The following AKAP6 variants were observed in gnomAD, a reference collection of about 807,000 sequenced individuals.
The protein encoded by AKAP6 is A-kinase anchor protein 6.
Under a neutral mutation model 188.5 loss-of-function variants are expected in AKAP6, and 58 were observed. The observed-to-expected ratio is 0.31, with a 90% CI of 0.25 to 0.38. AKAP6 has a LOEUF of 0.38. AKAP6 is among the 10% of genes least tolerant of loss of function. AKAP6 has a pLI of 1.00. For synonymous variants in AKAP6, 989 were observed against 998.6 expected (o/e 0.99, Z 0.18); for missense variants, 2,710 against 2,740.0 (o/e 0.99, Z 0.24).
At chr14:32,486,129 G>A (rs899150181) in intron 2 of AKAP6, among the ~76,000 whole-genome samples, 1 of 152,122 alleles carries the variant, frequency 6.6e-6, no homozygotes, top group Non-Finnish European at 1.5e-5. Flanking sequence ...GATGGTCGTA[G>A]ATGTGGTGTT....
At chr14:32,338,178 T>TA (rs929792523) in intron 1 of AKAP6, among the ~76,000 whole-genome samples, 72 of 152,198 alleles carry the variant, frequency 4.7e-4, no homozygotes, top group African/African-American at 1.5e-3. Flanking sequence ...TGTTTTTCTT[T>TA]AAAAAAAATT....
At chr14:32,499,267 T>C (rs894329726) in intron 2 of AKAP6, among the ~76,000 whole-genome samples, 3 of 147,470 alleles carry the variant, frequency 2.0e-5, no homozygotes, top group Admixed American at 1.4e-4. Context: ...TATCAACTTT[T>C]ATCAAGCTAT....
chr14:32,513,647 T>G (rs1881367734), intron 2 of AKAP6, among the ~76,000 whole-genome samples: 2 of 152,242 alleles, frequency 1.3e-5, no homozygotes, highest in Admixed American at 1.3e-4. Context: ...TGACTTAACC[T>G]CTTGGTTGTT....
chr14:32,431,224 T>G (rs374821468), intron 1 of AKAP6, among the ~76,000 whole-genome samples: 31 of 152,332 alleles, frequency 2.0e-4, no homozygotes, highest in African/African-American at 5.5e-4. Context: ...TTTTGTTATC[T>G]TCTGATTGTT....
chr14:32,496,432 T>C (rs2138965597), intron 2 of AKAP6, among the ~76,000 whole-genome samples: 1 of 152,280 alleles, frequency 6.6e-6, no homozygotes, highest in South Asian at 2.1e-4. Context: ...ATGTATATTA[T>C]ATGATCACAT....
intron 1 of AKAP6, among the ~76,000 whole-genome samples, chr14:32,350,092 TC>T (rs1432752424): frequency 7.9e-5 from 12 of 152,184 alleles, no homozygotes; most frequent in African/African-American, 2.9e-4. Context: ...GTGTAAATAC[TC>T]CCATTTCTAG....
intron 1 of AKAP6, among the ~76,000 whole-genome samples, chr14:32,339,775 A>C (rs1886833258): frequency 6.6e-6 from 1 of 152,212 alleles, no homozygotes; most frequent in Non-Finnish European, 1.5e-5. Context: ...GCACAGGAAC[A>C]CAATGATACA....
At chr14:32,740,420 T>C (rs909694449) in intron 11 of AKAP6, among the ~76,000 whole-genome samples, 1 of 152,074 alleles carries the variant, frequency 6.6e-6, no homozygotes, top group Non-Finnish European at 1.5e-5. Context: ...CTTGTGCTTA[T>C]GAGGTATTGC....
chr14:32,435,288 AG>A (rs1890344044), intron 2 of AKAP6, among the ~76,000 whole-genome samples: 1 of 152,310 alleles, frequency 6.6e-6, no homozygotes, highest in Non-Finnish European at 1.5e-5. Context: ...TACATAGAAA[AG>A]GTGGGGACAA....
intron 1 of AKAP6, among the ~76,000 whole-genome samples, chr14:32,424,956 A>G (rs563006804): frequency 3.9e-5 from 6 of 152,288 alleles, no homozygotes; most frequent in East Asian, 1.9e-4. Flanking sequence ...TAGTGCTGCA[A>G]TGAACATATG....
At chr14:32,700,336 G>A (rs1398851222) in intron 9 of AKAP6, among the ~76,000 whole-genome samples, 1 of 152,076 alleles carries the variant, frequency 6.6e-6, no homozygotes, top group Non-Finnish European at 1.5e-5. Flanking sequence ...GACTCCAAGG[G>A]TTAATTTCAA....
Position 32,600,722 on chromosome 14 carries a change from A to C in AKAP6, c.2660A>C (p.Asp887Ala). 6.2e-7 allele frequency: 1 copy of C among 1,613,656 alleles called. No homozygotes were observed. The highest frequency in any genetic ancestry group is 8.5e-7 in the Non-Finnish European group (1 of 1,179,808). ...RQHSWILRAL[D>A]TIKAEILATD... is the part of the protein sequence containing the mutation. ...CACAGCTGGATTCTCAGGGCTCTGG[A>C]TACCATCAAAGCCGAGATACTGGCT... is the stretch of plus-strand genomic sequence containing the variant. Residue 887 changes from aspartate (D) to alanine (A), a missense_variant, in exon 7 of 14, where the codon GAT (aspartate) becomes GCT (alanine). Around this residue, in one of 2 missense-constraint regions of AKAP6, gnomAD observed 2,473 missense variants for 2,426.1 expected, o/e 1.02. Transcript: ENST00000280979.
At position 32,545,592 on chromosome 14, in the gene AKAP6, T is replaced by C. The variant is rs778442471; in HGVS notation, c.939T>C (p.Ser313=). Residue 313 remains serine, a synonymous_variant, in exon 4 of 14, where the codon TCT becomes TCC. Coordinates refer to ENST00000280979, the MANE Select transcript of AKAP6 (RefSeq NM_004274.5). ...GTGGATGTGAGGAAGACAATGCTTC[T>C]GCAGTCGAAGAGCAACCAGGCTTAA... ...DKGGCEEDNA[S]AVEEQPGLTL... 6.2e-6 allele frequency: 10 copies of C among 1,614,090 alleles called. No individual in the cohort carries two copies. The highest frequency in any genetic ancestry group is 8.5e-6 in the Non-Finnish European group (10 of 1,180,032).
At chr14:32,720,786 A>C (rs569367192) in intron 9 of AKAP6, among the ~76,000 whole-genome samples, 34 of 152,238 alleles carry the variant, frequency 2.2e-4, no homozygotes, top group African/African-American at 8.2e-4. Flanking sequence ...TCAAGGCTAT[A>C]GTGTGTGTTC....
intron 8 of AKAP6, among the ~76,000 whole-genome samples, chr14:32,692,702 C>T (rs1245991829): frequency 6.6e-6 from 1 of 152,158 alleles, no homozygotes; most frequent in Non-Finnish European, 1.5e-5. Flanking sequence ...TATCATCATT[C>T]ACCAGGGACT....
chr14:32,545,598 C>G lies in AKAP6; in HGVS notation c.945C>G (p.Val315=). 6.2e-7 allele frequency: 1 copy of G among 1,614,152 alleles called. No homozygotes were observed. The highest frequency in any genetic ancestry group is 8.5e-7 in the Non-Finnish European group (1 of 1,180,020). Residue 315 remains valine, a synonymous_variant, in exon 4 of 14, where the codon GTC becomes GTG. Transcript: ENST00000280979. The part of the protein sequence containing the change: ...GGCEEDNASA[V]EEQPGLTLGV... ...GTGAGGAAGACAATGCTTCTGCAGT[C>G]GAAGAGCAACCAGGCTTAACACTGG...
chr14:32,519,622 G>C (rs1171935363), intron 2 of AKAP6, among the ~76,000 whole-genome samples: 1 of 152,076 alleles, frequency 6.6e-6, no homozygotes, highest in Non-Finnish European at 1.5e-5. Context: ...GTGGTAAAGG[G>C]ATCAATTCAA....
intron 3 of AKAP6, among the ~76,000 whole-genome samples, chr14:32,543,331 A>G (rs944455787): frequency 2.8e-4 from 42 of 152,224 alleles, no homozygotes; most frequent in African/African-American, 9.9e-4. Flanking sequence ...TTCACTTAAC[A>G]TAATGTCCTT....
At chr14:32,483,965 C>A (rs1173717334) in intron 2 of AKAP6, 2 of 151,676 alleles carry the variant, frequency 1.3e-5, no homozygotes, top group Non-Finnish European at 2.9e-5. Flanking sequence ...GTGTATGTTC[C>A]CCTCCCTGTG....
Sources: gnomAD v4.1 joint callset for allele counts (sites outside exome capture counted in the v4.1 genomes callset) on GRCh38, gnomAD v4.1.1 for gene constraint, gnomAD v4.1.1 regional missense constraint, MANE v1.5 for transcripts, NCBI Gene and HGNC (gene_info 2026-07-23, HGNC 2026-07-21) for gene names.